The following C12orf42 variants were observed in gnomAD, a reference collection of about 807,000 sequenced individuals.
C12orf42 encodes the protein uncharacterized protein C12orf42.
In C12orf42, 25 loss-of-function variants were observed where a neutral mutation model predicts 21.6. The ratio of observed to expected loss-of-function variants is 1.16; its 90% CI spans 0.84 to 1.62. The LOEUF (loss-of-function observed/expected upper bound fraction) is 1.62. Ranked by LOEUF, C12orf42 falls within the 40% of genes most tolerant of loss-of-function variation. C12orf42 has a pLI of 0.00. For missense variants in C12orf42, 483 were observed against 459.3 expected (o/e 1.05, Z -0.47); for synonymous variants, 174 against 175.0 (o/e 0.99, Z 0.05).
chr12:103,547,755 T>C, the C12orf42 span: 1 of 152,178 alleles, frequency 6.6e-6, no homozygotes, highest in African/African-American at 2.4e-5. Flanking sequence ...TCCAGAATTC[T>C]GGAGACAATG....
the C12orf42 span, among the ~76,000 whole-genome samples, chr12:103,161,018 G>A: frequency 6.6e-6 from 1 of 152,174 alleles, no homozygotes; most frequent in Non-Finnish European, 1.5e-5. Context: ...GAAACGTTGA[G>A]CATAACGTCT....
chr12:103,229,670 C>T, the C12orf42 span, among the ~76,000 whole-genome samples: 1 of 152,180 alleles, frequency 6.6e-6, no homozygotes, highest in African/African-American at 2.4e-5. Context: ...TCCATCCAGA[C>T]TCCCAGAGGG....
At chr12:103,352,077 T>C (rs546844555) in intron 4 of C12orf42, among the ~76,000 whole-genome samples, 1 of 152,166 alleles carries the variant, frequency 6.6e-6, no homozygotes, top group South Asian at 2.1e-4. Flanking sequence ...ACAAGCTCCC[T>C]TGCCCTTCCT....
At chr12:103,214,232 T>A in the C12orf42 span, among the ~76,000 whole-genome samples, 5 of 152,224 alleles carry the variant, frequency 3.3e-5, no homozygotes, top group African/African-American at 4.8e-5. Context: ...CTTTGTCAGA[T>A]ATCACAGAAG....
the C12orf42 span, among the ~76,000 whole-genome samples, chr12:103,228,467 G>A: frequency 7.6e-4 from 115 of 152,206 alleles, no homozygotes; most frequent in Middle Eastern, 3.4e-3. Context: ...CACTTCTTTT[G>A]TGATTCTTCA....
intron 5 of C12orf42, chr12:103,269,939 G>A (rs535475719): frequency 6.6e-5 from 10 of 152,244 alleles, no homozygotes; most frequent in Non-Finnish European, 1.0e-4. Context: ...TAACACAGCC[G>A]TTTACAACCT....
At chr12:103,377,525 G>A (rs2045802426) in intron 3 of C12orf42, among the ~76,000 whole-genome samples, 1 of 152,100 alleles carries the variant, frequency 6.6e-6, no homozygotes, top group Non-Finnish European at 1.5e-5. Context: ...TAGAGAGCAG[G>A]AGGAAAGGGC....
At chr12:103,447,211 C>T (rs965421879) in intron 2 of C12orf42, among the ~76,000 whole-genome samples, 15 of 151,846 alleles carry the variant, frequency 9.9e-5, no homozygotes, top group African/African-American at 3.4e-4. Context: ...AAAAGGAATC[C>T]TCAAAATCAT....
At chr12:103,260,026 T>C (rs2034814331) in intron 10 of C12orf42, among the ~76,000 whole-genome samples, 1 of 152,176 alleles carries the variant, frequency 6.6e-6, no homozygotes, top group Admixed American at 6.5e-5. Context: ...TACTCCACAA[T>C]GTCTCTCTAT....
At chr12:103,505,819 A>G in the C12orf42 span, among the ~76,000 whole-genome samples, 1 of 152,188 alleles carries the variant, frequency 6.6e-6, no homozygotes, top group Non-Finnish European at 1.5e-5. Context: ...ACACCATGTT[A>G]CAGGGGGTCA....
At chr12:103,159,546 G>A in the C12orf42 span, 6 of 152,172 alleles carry the variant, frequency 3.9e-5, no homozygotes, top group African/African-American at 9.7e-5. Context: ...ACTACTTGCA[G>A]AATCACTGGT....
At chr12:103,176,595 G>T in the C12orf42 span, among the ~76,000 whole-genome samples, 139 of 152,158 alleles carry the variant, frequency 9.1e-4, 1 homozygote, top group African/African-American at 3.1e-3. Flanking sequence ...AATCTTTTGT[G>T]GTATCACTAT....
the C12orf42 span, among the ~76,000 whole-genome samples, chr12:103,060,132 G>A: frequency 2.0e-5 from 3 of 152,178 alleles, no homozygotes; most frequent in Non-Finnish European, 2.9e-5. Flanking sequence ...CTTCAGCAAA[G>A]TCTCAGGATA....
At chr12:103,343,647 G>A (rs545207392) in intron 4 of C12orf42, among the ~76,000 whole-genome samples, 2 of 151,928 alleles carry the variant, frequency 1.3e-5, no homozygotes, top group African/African-American at 4.8e-5. Context: ...CGAGCATAGT[G>A]GCTGTAATCC....
chr12:103,183,321 C>T, the C12orf42 span, among the ~76,000 whole-genome samples: 1 of 152,208 alleles, frequency 6.6e-6, no homozygotes, highest in Non-Finnish European at 1.5e-5. Flanking sequence ...ATGTCATGAT[C>T]CACCCGCCTT....
At chr12:103,151,469 G>T in the C12orf42 span, among the ~76,000 whole-genome samples, 2 of 152,022 alleles carry the variant, frequency 1.3e-5, no homozygotes. Flanking sequence ...ATACAAATAG[G>T]TATAAAATTA....
chr12:103,242,991 C>G (rs904914999), intron 10 of C12orf42, among the ~76,000 whole-genome samples: 8 of 151,982 alleles, frequency 5.3e-5, no homozygotes, highest in Admixed American at 4.6e-4. Context: ...TTGCCATTTA[C>G]TTTAATATAA....
At chr12:103,489,714 G>A (rs537203766) in intron 1 of C12orf42, among the ~76,000 whole-genome samples, 102 of 152,310 alleles carry the variant, frequency 6.7e-4, no homozygotes, top group African/African-American at 2.1e-3. Flanking sequence ...AGACTGCTAC[G>A]CTAGAGTGAG....
the C12orf42 span, among the ~76,000 whole-genome samples, chr12:103,118,227 T>C: frequency 6.6e-6 from 1 of 152,230 alleles, no homozygotes; most frequent in Non-Finnish European, 1.5e-5. Flanking sequence ...GACTTATTGA[T>C]GTCTTTCTAT....
Sources: allele counts gnomAD v4.1 joint callset (sites outside exome capture counted in the v4.1 genomes callset), GRCh38; gene constraint gnomAD v4.1.1; transcripts MANE v1.5; gene names NCBI Gene and HGNC (gene_info 2026-07-23, HGNC 2026-07-21).